Variants in CDH20 observed in about 807,000 individuals in gnomAD.
The protein encoded by CDH20 is cadherin 20.
CDH20 carries 29 observed loss-of-function variants against 74.2 expected under a neutral mutation model. The observed-to-expected ratio is 0.39, with a 90% CI of 0.29 to 0.53. The LOEUF is 0.53. Among genes scored for constraint, CDH20 ranks in the 20% least tolerant of loss-of-function variants. The pLI, the probability that CDH20 is intolerant of heterozygous loss-of-function variation, is 0.69. For synonymous variants in CDH20, 469 were observed against 405.4 expected, an observed-to-expected ratio of 1.16 and a Z score of -1.88; for missense variants, 988 against 1,048.3, an observed-to-expected ratio of 0.94 and a Z score of 0.79.
At chr18:61,549,767 A>G (rs1913368623) in intron 10 of CDH20, 4 of 569,052 alleles carry the variant, frequency 7.0e-6, no homozygotes, top group Non-Finnish European at 1.2e-5. Context: ...TTCTCTTCTT[A>G]GGCCTCAGGG....
chr18:61,470,466 G>A (rs573418965), intron 1 of CDH20, among the ~76,000 whole-genome samples: 12 of 152,194 alleles, frequency 7.9e-5, no homozygotes, highest in African/African-American at 2.2e-4. Context: ...CCGTTGGTGC[G>A]GAATGACACG....
chr18:61,420,375 A>G lies in CDH20; in HGVS notation c.-152-70027A>G, dbSNP rs577728976. On this transcript the variant is annotated intron_variant, in intron 1 of 11. Coordinates refer to ENST00000262717, the MANE Select transcript of CDH20 (RefSeq NM_031891.4). ...TCACAGGCTTTTTTTTTTTTTTTTC[A>G]ACAAATATTTTTTGAGTGACCTCCG... Among the ~76,000 whole-genome samples the G allele has an allele frequency of 6.8e-3, 907 of 134,164 alleles. 5 individuals are homozygous for G. The highest frequency in any genetic ancestry group is 0.01 in the Non-Finnish European group (621 of 61,646). The allele number at this position is 134,164 out of a possible 152,430, so 88.0% of individuals were successfully genotyped here.
At position 61,499,357 on chromosome 18, in the gene CDH20, C is replaced by T. The variant is rs767997572; in HGVS notation, c.418C>T (p.Arg140Trp). The T allele has an allele frequency of 2.5e-5, 41 of 1,613,902 alleles. No individual in the cohort carries two copies. The highest frequency in any genetic ancestry group is 1.7e-4 in the Admixed American group (10 of 59,996). Residue 140 changes from arginine (R) to tryptophan (W), a missense_variant, in exon 3 of 12, where the codon CGG becomes TGG. By Grantham distance (101) the Arg-to-Trp change is moderately radical. Coordinates refer to ENST00000262717, the MANE Select transcript of CDH20 (RefSeq NM_031891.4). Reference sequence around the variant, plus strand: ...TCTAAGGGCTCAAGCCCTAGACAGGCGGACGGGCAGGCCAATGGAGCCCGA... The same window carrying T: ...TCTAAGGGCTCAAGCCCTAGACAGGTGGACGGGCAGGCCAATGGAGCCCGA... ...YTLRAQALDR[R>W]TGRPMEPESE...
chr18:61,413,657 A>C (rs948785510), intron 1 of CDH20, among the ~76,000 whole-genome samples: 35 of 152,204 alleles, frequency 2.3e-4, no homozygotes, highest in African/African-American at 8.2e-4. Flanking sequence ...AATGAACTAC[A>C]ATATATTTTT....
intron 1 of CDH20, among the ~76,000 whole-genome samples, chr18:61,390,067 A>C (rs1411860759): frequency 6.6e-6 from 1 of 152,114 alleles, no homozygotes; most frequent in Non-Finnish European, 1.5e-5. Flanking sequence ...GTCTGCAGTC[A>C]CTGAGGCCTT....
rs182218251 is a variant in CDH20, at chr18:61,419,188, C to T, written c.-152-71214C>T. On this transcript the variant is annotated intron_variant, in intron 1 of 11. Transcript: ENST00000262717. Reference sequence around the variant, plus strand: ...AAGTGATCCTCCTACCTCAGCCGCCCGAGAAGCTGAGACTTACAGGTATGC... The same window carrying T: ...AAGTGATCCTCCTACCTCAGCCGCCTGAGAAGCTGAGACTTACAGGTATGC... Among the ~76,000 whole-genome samples, 85 of 152,158 alleles carry T rather than the reference C, an allele frequency of 5.6e-4. 1 individual carries two copies. The highest frequency in any genetic ancestry group is 2.7e-3 in the East Asian group (14 of 5,172).
At chr18:61,535,348 T>G (rs1274094307) in intron 7 of CDH20, among the ~76,000 whole-genome samples, 1 of 151,890 alleles carries the variant, frequency 6.6e-6, no homozygotes, top group Non-Finnish European at 1.5e-5. Flanking sequence ...ATAAAAATGA[T>G]AAAAATTACT....
At chr18:61,432,399 T>C (rs1170081058) in intron 1 of CDH20, among the ~76,000 whole-genome samples, 1 of 152,104 alleles carries the variant, frequency 6.6e-6, no homozygotes, top group African/African-American at 2.4e-5. Flanking sequence ...CCACAACTGG[T>C]GCCCAGACCT....
chr18:61,497,269 T>C (rs750081371), intron 2 of CDH20, among the ~76,000 whole-genome samples: 8 of 152,206 alleles, frequency 5.3e-5, no homozygotes, highest in Admixed American at 1.3e-4. Flanking sequence ...TGAGTTCCCC[T>C]AGGCAGCAAA....
chr18:61,476,339 G>T (rs1910383867), intron 1 of CDH20, among the ~76,000 whole-genome samples: 1 of 152,026 alleles, frequency 6.6e-6, no homozygotes, highest in African/African-American at 2.4e-5. Flanking sequence ...AAGATGCCCG[G>T]CAGCCCCCAG....
intron 1 of CDH20, among the ~76,000 whole-genome samples, chr18:61,340,077 G>A (rs79972840): frequency 0.017 from 2,660 of 152,052 alleles, 75 homozygotes; most frequent in African/African-American, 0.061. Flanking sequence ...CATCTGGCAG[G>A]ATAACAAAAA....
At chr18:61,383,043 G>T (rs1911481663) in intron 1 of CDH20, among the ~76,000 whole-genome samples, 1 of 152,122 alleles carries the variant, frequency 6.6e-6, no homozygotes, top group Admixed American at 6.5e-5. Context: ...GGCAATCATG[G>T]TACCTATGAC....
intron 2 of CDH20, among the ~76,000 whole-genome samples, chr18:61,496,233 TC>T (rs1282842967): frequency 8.0e-5 from 4 of 50,244 alleles, no homozygotes; most frequent in African/African-American, 2.3e-4. Context: ...CCTTTCCCTT[TC>T]CCCCCTTTCT....
At chr18:61,475,521 T>C (rs1278806034) in intron 1 of CDH20, among the ~76,000 whole-genome samples, 1 of 152,248 alleles carries the variant, frequency 6.6e-6, no homozygotes, top group Non-Finnish European at 1.5e-5. Context: ...GTTTATCTCC[T>C]AGTACTTCTC....
chr18:61,551,765 T>C (rs758372534), intron 11 of CDH20, among the ~76,000 whole-genome samples: 29 of 152,186 alleles, frequency 1.9e-4, no homozygotes, highest in Non-Finnish European at 3.4e-4. Flanking sequence ...AAGAAACTTG[T>C]TCCTGGGAGG....
In CDH20 at chr18:61,553,783, G is replaced by A. The variant is rs141738587; in HGVS notation, c.1901-407G>A. Among the ~76,000 whole-genome samples the A allele has an allele frequency of 4.7e-3, 714 of 151,674 alleles. 10 individuals carry two copies. The highest frequency in any genetic ancestry group is 0.017 in the African/African-American group (680 of 40,998). On this transcript the variant is annotated intron_variant, in intron 11 of 11. Transcript: ENST00000262717. The stretch of plus-strand genomic sequence containing the variant: ...TAATAAGACTTTCACATTATAAGAG[G>A]ATAAATGTATATTTTTCATCATATA...
chr18:61,442,351 AAAAAAAAGAAAAAGAAAAG>A (rs1909061210), intron 1 of CDH20, among the ~76,000 whole-genome samples: 1 of 91,994 alleles, frequency 1.1e-5, no homozygotes. Flanking sequence ...ACCCTGTCTT[AAAAAAAAGAAAAAGAAAAG>A]AAAAAAAAAA....
At chr18:61,354,254 C>T (rs897878665) in intron 1 of CDH20, among the ~76,000 whole-genome samples, 8 of 152,056 alleles carry the variant, frequency 5.3e-5, no homozygotes, top group East Asian at 1.9e-4. Context: ...GAAAACACTG[C>T]CTTCTTTCCT....
At position 61,427,353 on chromosome 18, in the gene CDH20, C is replaced by A. The variant is rs530671932; in HGVS notation, c.-152-63049C>A. Reference sequence around the variant, plus strand: ...GTCTTTATCATAACCCATTTTATAGCAAAGTGAGGAACAGAGATTTAAATC... The same window carrying A: ...GTCTTTATCATAACCCATTTTATAGAAAAGTGAGGAACAGAGATTTAAATC... On this transcript the variant is annotated intron_variant, in intron 1 of 11. Transcript: ENST00000262717. 1.3e-3 allele frequency among the ~76,000 whole-genome samples: 203 copies of A among 152,238 alleles called. 1 individual carries two copies. Among genetic ancestry groups the A allele is most frequent in the African/African-American group, 4.7e-3 (195 of 41,522 alleles).
Sources: gnomAD v4.1 joint callset for allele counts (sites outside exome capture counted in the v4.1 genomes callset) on GRCh38, gnomAD v4.1.1 for gene constraint, MANE v1.5 for transcripts, NCBI Gene and HGNC (gene_info 2026-07-23, HGNC 2026-07-21) for gene names.